Variants in MIX23 observed in about 807,000 individuals in gnomAD.
MIX23 encodes the protein mitochondrial matrix import factor 23.
Under a neutral mutation model 21.6 loss-of-function variants are expected in MIX23, and 13 were observed. The observed-to-expected ratio is 0.60, with a 90% CI of 0.39 to 0.96. MIX23 has a LOEUF of 0.96. Among genes scored for constraint, MIX23 ranks in the 40% least tolerant of loss-of-function variants. The probability of loss-of-function intolerance (pLI) is 0.00; values close to 1 mark genes in which losing one functional copy is unlikely to be tolerated. For missense variants in MIX23, 144 were observed against 171.2 expected, an observed-to-expected ratio of 0.84 and a Z score of 0.89; for synonymous variants, 59 against 58.0, an observed-to-expected ratio of 1.02 and a Z score of -0.08.
intron 4 of MIX23, among the ~76,000 whole-genome samples, chr3:122,362,292 C>T (rs964339016): frequency 6.6e-6 from 1 of 152,006 alleles, no homozygotes; most frequent in Non-Finnish European, 1.5e-5. Flanking sequence ...GGAAAACTTA[C>T]GGAAAGTAAC....
chr3:122,364,146 G>A (rs2075379475), intron 3 of MIX23, among the ~76,000 whole-genome samples: 1 of 152,180 alleles, frequency 6.6e-6, no homozygotes, highest in African/African-American at 2.4e-5. Flanking sequence ...AGAAATTTGT[G>A]GCAACAACGA....
intron 2 of MIX23, among the ~76,000 whole-genome samples, chr3:122,369,769 A>G (rs1003952514): frequency 2.0e-5 from 3 of 151,860 alleles, no homozygotes; most frequent in African/African-American, 7.3e-5. Context: ...CATTTTTTTG[A>G]GACAGGGTCT....
chr3:122,366,834 G>C (rs775936236), intron 3 of MIX23: 9 of 152,104 alleles, frequency 5.9e-5, no homozygotes, highest in Non-Finnish European at 1.2e-4. Flanking sequence ...CCAGCTACTG[G>C]GGAGGCTGAG....
intron 4 of MIX23, among the ~76,000 whole-genome samples, chr3:122,362,564 C>T (rs982510160): frequency 6.6e-6 from 1 of 151,812 alleles, no homozygotes; most frequent in African/African-American, 2.4e-5. Context: ...TCACTCCAAC[C>T]TCTGCCTCCT....
At chr3:122,365,833 T>C (rs2075392741) in intron 3 of MIX23, among the ~76,000 whole-genome samples, 1 of 152,300 alleles carries the variant, frequency 6.6e-6, no homozygotes, top group South Asian at 2.1e-4. Context: ...TCAAGGGCGT[T>C]GAAATACAAA....
intron 2 of MIX23, among the ~76,000 whole-genome samples, chr3:122,371,100 T>C (rs1045132991): frequency 1.3e-5 from 2 of 152,198 alleles, no homozygotes; most frequent in African/African-American, 4.8e-5. Context: ...TTTTGCTGCA[T>C]CATTATTTCC....
In MIX23 at chr3:122,374,649, T is replaced by C. The variant is rs150984288; in HGVS notation, c.52-2849A>G. ...ATTGAATCCATGGATGTAAAACCCA[T>C]AGATATGGGAGGGCCAACTGTCCTA... On this transcript the variant is annotated intron_variant, in intron 1 of 4. Transcript: ENST00000291458. Among the ~76,000 whole-genome samples, 390 of 152,222 alleles carry C rather than the reference T, an allele frequency of 2.6e-3. 2 individuals are homozygous for C. Among genetic ancestry groups the C allele is most frequent in the African/African-American group, 9.0e-3 (374 of 41,514 alleles).
At chr3:122,382,756 C>T (rs948741374) in intron 1 of MIX23, among the ~76,000 whole-genome samples, 2 of 152,178 alleles carry the variant, frequency 1.3e-5, no homozygotes, top group African/African-American at 4.8e-5. Context: ...TAAATTGCAC[C>T]AAGTATGTTT....
At chr3:122,374,119 TA>T (rs369902989) in intron 1 of MIX23, among the ~76,000 whole-genome samples, 17,345 of 136,598 alleles carry the variant, frequency 0.13, 1,287 homozygotes, top group East Asian at 0.26. Context: ...TTTTTTTTTT[TA>T]AAAAAAAAGC....
intron 4 of MIX23, among the ~76,000 whole-genome samples, chr3:122,360,877 CTT>C: frequency 6.6e-6 from 1 of 152,206 alleles, no homozygotes; most frequent in Admixed American, 6.5e-5. Flanking sequence ...GAGTTTCGCT[CTT>C]GTCGCCCAGG....
intron 3 of MIX23, among the ~76,000 whole-genome samples, chr3:122,363,346 T>C (rs2075373851): frequency 2.0e-5 from 3 of 148,662 alleles, no homozygotes; most frequent in Admixed American, 2.0e-4. Context: ...ATGCCAATCT[T>C]ACTCCAGTAT....
chr3:122,383,186 GAA>G lies in MIX23; in HGVS notation c.37_38del (p.Phe13ArgfsTer14). 6.2e-7 allele frequency: 1 copy of G among 1,613,580 alleles called. No homozygotes were observed. The highest frequency in any genetic ancestry group is 8.5e-7 in the Non-Finnish European group (1 of 1,180,040). On this transcript the variant is annotated frameshift_variant, in exon 1 of 5. Coordinates refer to ENST00000291458, the MANE Select transcript of MIX23 (RefSeq NM_001017928.4). LOFTEE classifies it high-confidence loss of function. ...APSGGVNCEE[F>X]AEFQELLKVM... ...AAAACCCCATCACCTGGAACTCGGCGAACTCCTCACAGTTCACACCGCCACTG... is the reference window on the plus strand; with the variant it reads ...AAAACCCCATCACCTGGAACTCGGCGCTCCTCACAGTTCACACCGCCACTG...
intron 1 of MIX23, among the ~76,000 whole-genome samples, chr3:122,379,908 G>A (rs952559019): frequency 6.6e-5 from 10 of 152,142 alleles, no homozygotes; most frequent in African/African-American, 2.2e-4. Flanking sequence ...TTATGCAGGC[G>A]TTTTTCTTGG....
intron 3 of MIX23, among the ~76,000 whole-genome samples, chr3:122,364,126 A>C (rs2075379308): frequency 6.6e-6 from 1 of 152,214 alleles, no homozygotes; most frequent in African/African-American, 2.4e-5. Context: ...CAGTTCAGGC[A>C]GGAGGTTTGA....
rs1320210589 is a variant in MIX23, at chr3:122,368,325, A to AAAAG, written c.178-7_178-4dup. 6.3e-7 allele frequency: 1 copy of AAAAG among 1,576,902 alleles called. No homozygotes were observed. The highest frequency in any genetic ancestry group is 1.2e-5 in the South Asian group (1 of 84,280). On this transcript the variant is annotated splice_polypyrimidine_tract_variant and splice_region_variant and intron_variant, in intron 2 of 4. Transcript: ENST00000291458. ...CTACTGGCATGAGCTGCCATCAACT[A>AAAAG]AAAGAACAAAGGAATGAAAGGAGAA...
At chr3:122,375,003 CCT>C (rs1353014604) in intron 1 of MIX23, among the ~76,000 whole-genome samples, 2 of 152,048 alleles carry the variant, frequency 1.3e-5, no homozygotes, top group Non-Finnish European at 1.5e-5. Flanking sequence ...GTGGCTCATG[CCT>C]GTAATCCCAG....
intron 2 of MIX23, 110 bp downstream of exon 2, chr3:122,371,565 A>G: frequency 7.7e-7 from 1 of 1,294,710 alleles, no homozygotes; most frequent in Non-Finnish European, 1.1e-6. Flanking sequence ...GTATAGGCAA[A>G]GAAAAGATGT....
At chr3:122,365,663 G>A (rs1576231162) in intron 3 of MIX23, 1 of 152,276 alleles carries the variant, frequency 6.6e-6, no homozygotes, top group East Asian at 1.9e-4. Flanking sequence ...TCTCAAGGCT[G>A]AGCAAATTGT....
intron 1 of MIX23, among the ~76,000 whole-genome samples, chr3:122,376,397 C>T (rs763665924): frequency 1.4e-4 from 21 of 151,876 alleles, no homozygotes; most frequent in Non-Finnish European, 2.9e-4. Context: ...GTGGGTGGAT[C>T]ACCTGAGGTC....
Sources: allele counts gnomAD v4.1 joint callset (sites outside exome capture counted in the v4.1 genomes callset), GRCh38; gene constraint gnomAD v4.1.1; transcripts MANE v1.5; gene names NCBI Gene and HGNC (gene_info 2026-07-23, HGNC 2026-07-21).